CD96: variants seen among roughly 807,000 people sequenced by gnomAD.
CD96 encodes CD96 molecule.
A neutral mutation model predicts 71.3 loss-of-function variants in CD96; 70 were observed. The observed-to-expected ratio is 0.98, with a 90% CI of 0.81 to 1.20. CD96 has a LOEUF of 1.20. CD96 is among the 50% of genes most tolerant of loss of function. CD96 has a pLI of 0.00. For missense variants in CD96, 742 were observed against 677.5 expected, an observed-to-expected ratio of 1.10 and a Z score of -1.06; for synonymous variants, 248 against 233.0, an observed-to-expected ratio of 1.06 and a Z score of -0.59.
intron 5 of CD96, among the ~76,000 whole-genome samples, chr3:111,586,282 G>A (rs554286103): frequency 4.6e-5 from 7 of 152,024 alleles, no homozygotes; most frequent in African/African-American, 1.7e-4. Flanking sequence ...ATTACATGGG[G>A]CGAGAGAAAA....
At position 111,649,959 on chromosome 3, in the gene CD96, C is replaced by A; in HGVS notation, c.*153C>A. On this transcript the variant is annotated 3_prime_UTR_variant, in exon 14 of 14. Coordinates refer to ENST00000352690, the MANE Select transcript of CD96 (RefSeq NM_005816.5). ...AGTGACCTGTTTTCCCAGCAACTCA[C>A]CCTCTTCCATCTCCAAACGCCTGAA... is the stretch of plus-strand genomic sequence containing the variant. 1.5e-6 allele frequency: 1 copy of A among 683,716 alleles called. No individual in the cohort carries two copies. The highest frequency in any genetic ancestry group is 2.7e-6 in the Non-Finnish European group (1 of 372,660). 42.4% of individuals were successfully genotyped at this position (683,716 alleles called of 1,614,324 possible).
rs887477665 is a variant in CD96 at position 111,647,556 on chromosome 3, T to C, written c.1491T>C (p.Asn497=). The change falls in exon 13 of 14, where the codon AAT becomes AAC. Residue 497 remains asparagine (N), a synonymous_variant. Coordinates refer to ENST00000352690, the MANE Select transcript of CD96 (RefSeq NM_005816.5). ...NHVHITGIVV[N]KPKDGMSWPV... ...TGCCCTTTTCAGGTATTGTGGTCAA[T>C]AAGCCCAAAGATGGAATGTCCTGGC... The C allele has an allele frequency of 1.9e-6, 3 of 1,612,546 alleles. No individual in the cohort carries two copies. Among genetic ancestry groups the C allele is most frequent in the Non-Finnish European group, 2.5e-6 (3 of 1,178,620 alleles).
At chr3:111,580,937 A>G (rs938475305) in intron 4 of CD96, among the ~76,000 whole-genome samples, 3 of 152,352 alleles carry the variant, frequency 2.0e-5, no homozygotes, top group Non-Finnish European at 2.9e-5. Flanking sequence ...AGAAATATCA[A>G]TTTTAATCTA....
At chr3:111,628,363 A>G (rs76070093) in intron 10 of CD96, among the ~76,000 whole-genome samples, 1,534 of 152,362 alleles carry the variant, frequency 0.01, 18 homozygotes, top group Non-Finnish European at 0.017. Context: ...AAAACACACT[A>G]CAAAAACTTC....
chr3:111,549,169 C>T (rs902563649), intron 2 of CD96, among the ~76,000 whole-genome samples: 3 of 151,904 alleles, frequency 2.0e-5, no homozygotes, highest in African/African-American at 7.3e-5. Flanking sequence ...CCTCTCTTCC[C>T]CTCCCCTCCC....
Position 111,583,677 on chromosome 3 carries a change from G to A in CD96, c.752-1646G>A, listed in dbSNP as rs571009095. Among the ~76,000 whole-genome samples the A allele has an allele frequency of 2.6e-4, 39 of 152,314 alleles. No homozygotes were observed. In the South Asian group the frequency reaches 3.5e-3, roughly 14 times the overall value. On this transcript the variant is annotated intron_variant, in intron 4 of 13. Coordinates refer to ENST00000352690, the MANE Select transcript of CD96 (RefSeq NM_005816.5). ...CCATGTGGAAGCTGCCAAGGCTTGG[G>A]GATTCCACACTTTTAGAAGCAATGG...
chr3:111,568,825 T>C (rs1935842906), intron 3 of CD96, among the ~76,000 whole-genome samples: 1 of 152,178 alleles, frequency 6.6e-6, no homozygotes, highest in African/African-American at 2.4e-5. Flanking sequence ...AGCCAGCTAC[T>C]AACCAGTGTA....
chr3:111,602,439 G>T (rs543181337), intron 7 of CD96, among the ~76,000 whole-genome samples: 106 of 152,130 alleles, frequency 7.0e-4, no homozygotes, highest in Admixed American at 1.5e-3. Flanking sequence ...CTCTGAACAG[G>T]TGGTTAATTT....
At position 111,606,766 on chromosome 3, in the gene CD96, C is replaced by T. The variant is rs748725250; in HGVS notation, c.1154C>T (p.Ser385Phe). The change falls in exon 8 of 14, where the codon TCT (serine) becomes TTT (phenylalanine). Residue 385 changes from serine to phenylalanine, a missense_variant. Coordinates refer to ENST00000352690, the MANE Select transcript of CD96 (RefSeq NM_005816.5). ...VTESTLDTQP[S>F]PASSVSPARY... The stretch of plus-strand genomic sequence containing the variant: ...GAATCTACCCTTGACACCCAACCTT[C>T]TCCAGCCAGCAGTGTATCTCCTGCA... 5 of 1,601,554 alleles carry T rather than the reference C, an allele frequency of 3.1e-6. No individual in the cohort carries two copies. In the South Asian group the frequency reaches 5.5e-5, roughly 18 times the overall value.
chr3:111,556,737 C>G (rs55936287), intron 2 of CD96, among the ~76,000 whole-genome samples: 15,052 of 145,678 alleles, frequency 0.1, 854 homozygotes, highest in Non-Finnish European at 0.12. Context: ...GGATGGCTGG[C>G]TCAAATGGTA....
intron 7 of CD96, among the ~76,000 whole-genome samples, chr3:111,604,820 A>T (rs1559751608): frequency 6.6e-6 from 1 of 152,236 alleles, no homozygotes; most frequent in African/African-American, 2.4e-5. Flanking sequence ...TTTAATCTCT[A>T]TCACAATTAC....
At chr3:111,661,843 C>T (rs1348184645) in intron 14 of CD96, among the ~76,000 whole-genome samples, 3 of 152,180 alleles carry the variant, frequency 2.0e-5, no homozygotes, top group Non-Finnish European at 1.5e-5. Flanking sequence ...AGTGGATCTA[C>T]CATTCTGGGG....
chr3:111,575,603 A>G (rs1050346190), intron 3 of CD96, among the ~76,000 whole-genome samples: 67 of 152,252 alleles, frequency 4.4e-4, no homozygotes, highest in African/African-American at 1.6e-3. Context: ...GTGCTGCTAC[A>G]TGTAACAGAA....
rs571127568 is a variant in CD96 at position 111,571,566 on chromosome 3, TCA to T, written c.543+3924_543+3925del. Among the ~76,000 whole-genome samples the T allele has an allele frequency of 1.8e-3, 272 of 152,156 alleles. 2 individuals are homozygous for T. Among genetic ancestry groups the T allele is most frequent in the African/African-American group, 6.0e-3 (248 of 41,508 alleles). On this transcript the variant is annotated intron_variant, in intron 3 of 13. Transcript: ENST00000352690. ...TGAATGCCAGAGAGTGCATCTAAGG[TCA>T]CACAGTGAGAGGGTGAATCTTAAAC...
At position 111,623,804 on chromosome 3, in the gene CD96, C is replaced by T; in HGVS notation, c.1231C>T (p.Pro411Ser). Reference protein sequence around the residue: ...VTLVDVSALRPNTTPQPSNSS... With the variant: ...VTLVDVSALRSNTTPQPSNSS... ...CCTTGTAGATGTGAGTGCCTTGAGG[C>T]CAAACACCACTCCTCAACGTGAGTT... Residue 411 changes from proline (P) to serine (S), a missense_variant, in exon 9 of 14, where the codon CCA (proline) becomes TCA (serine). Coordinates refer to ENST00000352690, the MANE Select transcript of CD96 (RefSeq NM_005816.5). 6.2e-7 allele frequency: 1 copy of T among 1,609,308 alleles called. No individual in the cohort carries two copies. The highest frequency in any genetic ancestry group is 8.5e-7 in the Non-Finnish European group (1 of 1,175,634).
chr3:111,661,921 G>A (rs528856536), intron 14 of CD96, among the ~76,000 whole-genome samples: 2 of 152,312 alleles, frequency 1.3e-5, no homozygotes, highest in African/African-American at 4.8e-5. Context: ...TATGTATGGG[G>A]GTTCCAAGCT....
chr3:111,641,829 A>C (rs2107768837), intron 12 of CD96, among the ~76,000 whole-genome samples: 1 of 152,370 alleles, frequency 6.6e-6, no homozygotes, highest in South Asian at 2.1e-4. Context: ...AAAACTGGAA[A>C]TCAACTCCAG....
chr3:111,569,649 A>AT (rs1935884147), intron 3 of CD96, among the ~76,000 whole-genome samples: 1 of 152,150 alleles, frequency 6.6e-6, no homozygotes, highest in African/African-American at 2.4e-5. Context: ...TACTGTAGAT[A>AT]TTTTTACTGT....
chr3:111,625,934 A>T (rs1938727226), intron 10 of CD96, among the ~76,000 whole-genome samples: 2 of 152,216 alleles, frequency 1.3e-5, no homozygotes, highest in Non-Finnish European at 2.9e-5. Context: ...CCTACAAATT[A>T]ATAACAAATA....
Sources: allele counts gnomAD v4.1 joint callset (sites outside exome capture counted in the v4.1 genomes callset), GRCh38; gene constraint gnomAD v4.1.1; transcripts MANE v1.5; gene names NCBI Gene and HGNC (gene_info 2026-07-23, HGNC 2026-07-21).